The following BBS9 variants were observed in gnomAD, a reference collection of about 807,000 sequenced individuals.
The protein encoded by BBS9 is protein PTHB1.
A neutral mutation model predicts 117.7 loss-of-function variants in BBS9; 89 were observed. The observed-to-expected ratio is 0.76, with a 90% CI of 0.64 to 0.90. The LOEUF (loss-of-function observed/expected upper bound fraction) is 0.90. BBS9 is among the 40% of genes least tolerant of loss of function. BBS9 has a pLI of 0.00. For missense variants in BBS9, 982 were observed against 1,042.2 expected (o/e 0.94, Z 0.80); for synonymous variants, 379 against 370.9 (o/e 1.02, Z -0.25).
At chr7:33,452,634 T>C (rs1171541665) in intron 19 of BBS9, among the ~76,000 whole-genome samples, 7 of 152,220 alleles carry the variant, frequency 4.6e-5, no homozygotes, top group Admixed American at 3.9e-4. Flanking sequence ...TCACTAAATA[T>C]CTATTATTAA....
intron 5 of BBS9, among the ~76,000 whole-genome samples, chr7:33,237,126 G>A (rs1793670658): frequency 6.6e-6 from 1 of 151,934 alleles, no homozygotes; most frequent in Admixed American, 6.6e-5. Context: ...TTTCCCTTCT[G>A]CAGATGAAAT....
intron 19 of BBS9, among the ~76,000 whole-genome samples, chr7:33,420,539 A>G (rs1201227133): frequency 6.6e-6 from 1 of 152,174 alleles, no homozygotes; most frequent in Non-Finnish European, 1.5e-5. Flanking sequence ...TGCTGAAGCC[A>G]TGCAGCAGGT....
At chr7:33,324,088 T>C (rs547846623) in intron 9 of BBS9, among the ~76,000 whole-genome samples, 6 of 152,214 alleles carry the variant, frequency 3.9e-5, no homozygotes, top group African/African-American at 1.2e-4. Flanking sequence ...TCCACCTGCC[T>C]TGGGATCCCA....
intron 9 of BBS9, among the ~76,000 whole-genome samples, chr7:33,290,272 A>G (rs1442127070): frequency 6.6e-6 from 1 of 152,198 alleles, no homozygotes; most frequent in Non-Finnish European, 1.5e-5. Flanking sequence ...CGTGCATGCC[A>G]TGTGAATGCA....
chr7:33,349,654 C>T (rs1818268987), intron 13 of BBS9, among the ~76,000 whole-genome samples: 1 of 152,084 alleles, frequency 6.6e-6, no homozygotes, highest in Non-Finnish European at 1.5e-5. Context: ...TGGTCTTGAA[C>T]TCCTGGGCTC....
chr7:33,183,030 C>T (rs1273015349), intron 5 of BBS9, among the ~76,000 whole-genome samples: 4 of 152,088 alleles, frequency 2.6e-5, no homozygotes, highest in African/African-American at 9.7e-5. Context: ...AGCTGAGTGT[C>T]CCCCCATAAC....
At chr7:33,572,787 TTTTC>T (rs1443705491) in intron 21 of BBS9, among the ~76,000 whole-genome samples, 2 of 152,002 alleles carry the variant, frequency 1.3e-5, no homozygotes, top group Non-Finnish European at 2.9e-5. Context: ...TTTAATTGGA[TTTTC>T]TTTCTTTTTT....
chr7:33,555,193 C>A (rs1021473013), intron 21 of BBS9, among the ~76,000 whole-genome samples: 1 of 152,212 alleles, frequency 6.6e-6, no homozygotes, highest in Non-Finnish European at 1.5e-5. Flanking sequence ...CAGAGGGACA[C>A]ATATCCAGAC....
At chr7:33,507,691 A>G (rs1226602689) in intron 20 of BBS9, among the ~76,000 whole-genome samples, 1 of 152,220 alleles carries the variant, frequency 6.6e-6, no homozygotes, top group East Asian at 1.9e-4. Flanking sequence ...GAATGAAGGA[A>G]AGGGTGAAAA....
At chr7:33,218,683 G>T (rs775758869) in intron 5 of BBS9, among the ~76,000 whole-genome samples, 1 of 152,192 alleles carries the variant, frequency 6.6e-6, no homozygotes. Flanking sequence ...CCCAAAGGAA[G>T]GAAAGAAACC....
At chr7:33,346,232 A>G (rs1000698989) in intron 12 of BBS9, 1 of 469,560 alleles carries the variant, frequency 2.1e-6, no homozygotes. Flanking sequence ...AACAGCAGCC[A>G]AGATATACAA....
chr7:33,437,576 C>T (rs1187774094), intron 19 of BBS9, among the ~76,000 whole-genome samples: 1 of 152,102 alleles, frequency 6.6e-6, no homozygotes, highest in Non-Finnish European at 1.5e-5. Context: ...ATATGTCCAG[C>T]ATATCTTTAA....
chr7:33,302,675 T>G (rs1806740072), intron 9 of BBS9, among the ~76,000 whole-genome samples: 2 of 152,168 alleles, frequency 1.3e-5, no homozygotes, highest in South Asian at 4.1e-4. Flanking sequence ...GTATTAGTTA[T>G]GGTACCTCTG....
chr7:33,478,801 T>C (rs1842132480), intron 19 of BBS9, among the ~76,000 whole-genome samples: 1 of 152,008 alleles, frequency 6.6e-6, no homozygotes, highest in Non-Finnish European at 1.5e-5. Flanking sequence ...TTAGATACTC[T>C]TGACATGTCT....
chr7:33,169,439 T>C (rs1186531614), intron 4 of BBS9, among the ~76,000 whole-genome samples: 1 of 151,490 alleles, frequency 6.6e-6, no homozygotes, highest in Non-Finnish European at 1.5e-5. Context: ...AGTGTAAAAG[T>C]GTTCCTATTT....
chr7:33,158,805 G>T (rs1326990135), intron 4 of BBS9, among the ~76,000 whole-genome samples: 1 of 152,148 alleles, frequency 6.6e-6, no homozygotes, highest in Non-Finnish European at 1.5e-5. Flanking sequence ...AAATTTAACA[G>T]AGTTTAATTG....
intron 20 of BBS9, among the ~76,000 whole-genome samples, chr7:33,514,837 A>G (rs1847496540): frequency 6.6e-6 from 1 of 152,200 alleles, no homozygotes; most frequent in Non-Finnish European, 1.5e-5. Context: ...AGACAATAAT[A>G]ATAACAACAA....
At chr7:33,161,387 T>G (rs940032595) in intron 4 of BBS9, among the ~76,000 whole-genome samples, 2 of 152,196 alleles carry the variant, frequency 1.3e-5, no homozygotes, top group Non-Finnish European at 1.5e-5. Flanking sequence ...TTTCTGTCCT[T>G]GTGATCGTTT....
intron 19 of BBS9, among the ~76,000 whole-genome samples, chr7:33,465,648 G>A (rs1420665340): frequency 6.6e-6 from 1 of 152,080 alleles, no homozygotes; most frequent in Non-Finnish European, 1.5e-5. Context: ...CCTTGGACAT[G>A]TTACTGCCTA....
Sources: gnomAD v4.1 joint callset for allele counts (sites outside exome capture counted in the v4.1 genomes callset) on GRCh38, gnomAD v4.1.1 for gene constraint, MANE v1.5 for transcripts, NCBI Gene and HGNC (gene_info 2026-07-23, HGNC 2026-07-21) for gene names.